Variants in SLC44A5 observed in about 807,000 individuals in gnomAD.
SLC44A5 encodes the protein choline transporter-like protein 5.
In SLC44A5, 57 loss-of-function variants were observed where a neutral mutation model predicts 101.8. The ratio of observed to expected loss-of-function variants is 0.56; its 90% CI spans 0.45 to 0.70. SLC44A5 has a LOEUF of 0.70. Among genes scored for constraint, SLC44A5 ranks in the 30% least tolerant of loss-of-function variants. SLC44A5 has a pLI of 0.00. For missense variants in SLC44A5, 737 were observed against 853.1 expected (o/e 0.86, Z 1.70); for synonymous variants, 281 against 290.9 (o/e 0.97, Z 0.35).
intron 1 of SLC44A5, among the ~76,000 whole-genome samples, chr1:75,575,067 TA>T (rs1673285213): frequency 6.6e-6 from 1 of 152,150 alleles, no homozygotes; most frequent in Non-Finnish European, 1.5e-5. Context: ...AAATGCTTAC[TA>T]AAGTTGAGTC....
intron 5 of SLC44A5, among the ~76,000 whole-genome samples, chr1:75,287,540 G>T (rs1249523): frequency 7.0e-6 from 1 of 142,280 alleles, no homozygotes; most frequent in South Asian, 2.3e-4. Context: ...CATATTACTA[G>T]AATTGTTTTT....
At chr1:75,679,319 C>T in the SLC44A5 span, among the ~76,000 whole-genome samples, 2 of 152,052 alleles carry the variant, frequency 1.3e-5, no homozygotes, top group African/African-American at 4.8e-5. Flanking sequence ...GTCAGATTCA[C>T]CAAAGTTGAA....
intron 6 of SLC44A5, among the ~76,000 whole-genome samples, chr1:75,267,364 A>C (rs1404995066): frequency 6.6e-6 from 1 of 152,114 alleles, no homozygotes; most frequent in Non-Finnish European, 1.5e-5. Flanking sequence ...AATTATGAAG[A>C]CAATCTATTG....
chr1:75,616,498 A>G, the SLC44A5 span, among the ~76,000 whole-genome samples: 1 of 152,220 alleles, frequency 6.6e-6, no homozygotes, highest in Non-Finnish European at 1.5e-5. Flanking sequence ...CGCTGGGCCC[A>G]AGAAAGACAC....
At chr1:75,682,761 T>C in the SLC44A5 span, among the ~76,000 whole-genome samples, 2 of 151,846 alleles carry the variant, frequency 1.3e-5, no homozygotes, top group Non-Finnish European at 2.9e-5. Context: ...AAATGGGATC[T>C]AATTAAACTA....
rs567799978 is a variant in SLC44A5 at position 75,548,204 on chromosome 1, AG to A, written c.-69-6689del. 6.0e-4 allele frequency among the ~76,000 whole-genome samples: 91 copies of A among 152,254 alleles called. 1 individual carries two copies. The highest frequency in any genetic ancestry group is 2.0e-3 in the African/African-American group (84 of 41,572). On this transcript the variant is annotated intron_variant, in intron 1 of 23. Coordinates refer to ENST00000370859, the MANE Select transcript of SLC44A5 (RefSeq NM_001130058.2). ...ATGTTTCATTACACAGTGGAGATTA[AG>A]GAGGACTTAGTCTAATCTTTTAATT...
intron 3 of SLC44A5, among the ~76,000 whole-genome samples, chr1:75,376,626 G>C (rs1164767673): frequency 2.6e-5 from 4 of 151,650 alleles, no homozygotes; most frequent in Admixed American, 1.3e-4. Context: ...GGTCCTGTCT[G>C]TTAGAAGGAA....
At chr1:75,469,933 A>T (rs1217252386) in intron 2 of SLC44A5, among the ~76,000 whole-genome samples, 1 of 150,062 alleles carries the variant, frequency 6.7e-6, no homozygotes, top group Non-Finnish European at 1.5e-5. Context: ...AAGTAGAGTC[A>T]ACGTATCCTG....
At chr1:75,661,037 C>A in the SLC44A5 span, among the ~76,000 whole-genome samples, 1 of 152,078 alleles carries the variant, frequency 6.6e-6, no homozygotes, top group African/African-American at 2.4e-5. Flanking sequence ...CAAAGCAATT[C>A]TGAGCACAAA....
At chr1:75,265,849 C>T (rs764050224) in intron 6 of SLC44A5, among the ~76,000 whole-genome samples, 21 of 152,100 alleles carry the variant, frequency 1.4e-4, no homozygotes, top group Non-Finnish European at 2.9e-4. Context: ...TCGGCACAAC[C>T]TTTACAAGCT....
chr1:75,547,724 T>C (rs2101971209), intron 1 of SLC44A5, among the ~76,000 whole-genome samples: 1 of 152,294 alleles, frequency 6.6e-6, no homozygotes, highest in Middle Eastern at 3.4e-3. Context: ...AGCTTCACCA[T>C]AGTCTTTCTC....
the SLC44A5 span, among the ~76,000 whole-genome samples, chr1:75,645,174 T>C: frequency 2.6e-5 from 4 of 152,182 alleles, no homozygotes; most frequent in Non-Finnish European, 5.9e-5. Flanking sequence ...ATGGTATTTC[T>C]AGTTCTAGAT....
chr1:75,281,448 A>C (rs190510711), intron 5 of SLC44A5, among the ~76,000 whole-genome samples: 99 of 152,026 alleles, frequency 6.5e-4, no homozygotes, highest in Middle Eastern at 3.4e-3. Context: ...GACAGAAAAG[A>C]AAAACCCATT....
At chr1:75,282,854 T>C (rs926163302) in intron 5 of SLC44A5, among the ~76,000 whole-genome samples, 1 of 152,208 alleles carries the variant, frequency 6.6e-6, no homozygotes, top group African/African-American at 2.4e-5. Flanking sequence ...TGTGAGTTAA[T>C]TAAACCACTT....
the SLC44A5 span, among the ~76,000 whole-genome samples, chr1:75,644,676 C>T: frequency 6.6e-6 from 1 of 151,658 alleles, no homozygotes; most frequent in Admixed American, 6.6e-5. Context: ...TTCTAGAGTA[C>T]ATGTGCACAA....
At chr1:75,524,475 A>T (rs1173791137) in intron 2 of SLC44A5, among the ~76,000 whole-genome samples, 1 of 152,218 alleles carries the variant, frequency 6.6e-6, no homozygotes, top group Non-Finnish European at 1.5e-5. Context: ...TGGAAAATTC[A>T]AAACAGCTAC....
At chr1:75,643,591 G>A in the SLC44A5 span, among the ~76,000 whole-genome samples, 3 of 152,284 alleles carry the variant, frequency 2.0e-5, no homozygotes, top group Non-Finnish European at 4.4e-5. Context: ...TGTGTCATAG[G>A]AGGGGCCCAG....
chr1:75,523,706 T>C (rs1450754835), intron 2 of SLC44A5, among the ~76,000 whole-genome samples: 1 of 152,202 alleles, frequency 6.6e-6, no homozygotes, highest in Non-Finnish European at 1.5e-5. Flanking sequence ...TCCTGCACAT[T>C]TTCCTAAACC....
intron 4 of SLC44A5, among the ~76,000 whole-genome samples, chr1:75,339,290 G>A (rs1472675973): frequency 6.7e-6 from 1 of 149,582 alleles, no homozygotes; most frequent in Admixed American, 6.6e-5. Context: ...CTACAAAGTG[G>A]TTAAATCTCA....
Sources: gnomAD v4.1 joint callset for allele counts (sites outside exome capture counted in the v4.1 genomes callset) on GRCh38, gnomAD v4.1.1 for gene constraint, MANE v1.5 for transcripts, NCBI Gene and HGNC (gene_info 2026-07-23, HGNC 2026-07-21) for gene names.